DOCK1: variants seen among roughly 807,000 people sequenced by gnomAD.
The protein encoded by DOCK1 is dedicator of cytokinesis 1.
DOCK1 carries 138 observed loss-of-function variants against 262.7 expected under a neutral mutation model. That is an observed-to-expected ratio of 0.53 (90% confidence interval 0.46 to 0.61). DOCK1 has a LOEUF of 0.61. Ranked by LOEUF, DOCK1 falls within the 20% of genes least tolerant of loss-of-function variation. DOCK1 has a pLI of 0.00. For synonymous variants in DOCK1, 866 were observed against 867.4 expected, an observed-to-expected ratio of 1.00 and a Z score of 0.03; for missense variants, 1,908 against 2,370.7, an observed-to-expected ratio of 0.80 and a Z score of 4.05.
intron 1 of DOCK1, among the ~76,000 whole-genome samples, chr10:126,964,473 G>A (rs1751941807): frequency 6.6e-6 from 1 of 152,346 alleles, no homozygotes; most frequent in East Asian, 1.9e-4. Flanking sequence ...GAGGGCCCTG[G>A]CATTGGGCCG....
chr10:127,254,284 G>C (rs1379323430), intron 28 of DOCK1, among the ~76,000 whole-genome samples: 1 of 152,064 alleles, frequency 6.6e-6, no homozygotes, highest in Non-Finnish European at 1.5e-5. Context: ...TTTTTGAAGA[G>C]ACCAATCCAT....
chr10:126,926,220 G>A (rs75085491), intron 1 of DOCK1, among the ~76,000 whole-genome samples: 140 of 152,010 alleles, frequency 9.2e-4, no homozygotes, highest in African/African-American at 3.2e-3. Flanking sequence ...CAGAGCCACC[G>A]AAGTGTTTTG....
intron 1 of DOCK1, among the ~76,000 whole-genome samples, chr10:126,948,813 C>G (rs1312141150): frequency 2.6e-5 from 4 of 152,076 alleles, no homozygotes; most frequent in African/African-American, 9.7e-5. Context: ...TTTCCATCCT[C>G]TCCCTCAAAG....
intron 1 of DOCK1, among the ~76,000 whole-genome samples, chr10:126,951,344 G>A (rs2036216003): frequency 6.6e-6 from 1 of 151,548 alleles, no homozygotes; most frequent in Non-Finnish European, 1.5e-5. Flanking sequence ...AGTGGTGATG[G>A]TAGTATTGTT....
intron 27 of DOCK1, among the ~76,000 whole-genome samples, chr10:127,159,317 C>T (rs553579162): frequency 6.6e-6 from 1 of 152,252 alleles, no homozygotes; most frequent in East Asian, 1.9e-4. Flanking sequence ...AGGGCTACCT[C>T]TCTGTAATGG....
intron 29 of DOCK1, among the ~76,000 whole-genome samples, chr10:127,330,163 C>T (rs376418901): frequency 1.3e-5 from 2 of 152,248 alleles, no homozygotes; most frequent in East Asian, 3.9e-4. Flanking sequence ...TGTGAACTCT[C>T]CGACTCCCCA....
At chr10:127,139,394 TAAAA>T (rs537541750) in intron 27 of DOCK1, among the ~76,000 whole-genome samples, 2 of 148,400 alleles carry the variant, frequency 1.3e-5, no homozygotes, top group African/African-American at 2.5e-5. Flanking sequence ...CTCAAAAAAT[TAAAA>T]AAAAAAATTG....
intron 38 of DOCK1, among the ~76,000 whole-genome samples, chr10:127,394,375 T>A (rs1286284215): frequency 1.4e-5 from 2 of 146,982 alleles, no homozygotes; most frequent in African/African-American, 2.6e-5. Context: ...AAAAAAGCGT[T>A]TTACATCATT....
chr10:127,049,035 A>AT (rs1416853612), intron 21 of DOCK1, among the ~76,000 whole-genome samples: 1 of 149,416 alleles, frequency 6.7e-6, no homozygotes, highest in African/African-American at 2.5e-5. Flanking sequence ...GGGTATAACA[A>AT]TTGGAAAGAA....
rs1224321963 is a variant in DOCK1, at chr10:127,062,378, T to C, written c.2445+602T>C. Among the ~76,000 whole-genome samples the C allele has an allele frequency of 2.0e-5, 3 of 152,236 alleles. No individual in the cohort carries two copies. In the East Asian group the frequency reaches 5.8e-4, roughly 29 times the overall value. ...ATAGCATCACCTTGAACATTTTTCA[T>C]TTCTTTTTGCTGTGAACATTCAGAA... On this transcript the variant is annotated intron_variant, in intron 23 of 51. Coordinates refer to ENST00000623213, the MANE Select transcript of DOCK1 (RefSeq NM_001290223.2).
In DOCK1 at chr10:126,995,362, G is replaced by A. The variant is rs7086451; in HGVS notation, c.474-1386G>A. ...CCAGCCTGGGCAACACTGAGCACTG[G>A]GTGAGCAAGACTCTGTCTGCAATCC... On this transcript the variant is annotated intron_variant, in intron 6 of 51. Coordinates refer to ENST00000623213, the MANE Select transcript of DOCK1 (RefSeq NM_001290223.2). The surrounding 1 kb of genome is among the most constrained non-coding windows in gnomAD (Gnocchi z 5.8). Among the ~76,000 whole-genome samples the A allele has an allele frequency of 0.66, 100,698 of 152,138 alleles. 33,822 individuals carry two copies. The highest frequency in any genetic ancestry group is 0.78 in the East Asian group (4,040 of 5,158).
chr10:126,978,106 T>TA (rs1016600465), intron 3 of DOCK1, 118 bp downstream of exon 3: 53 of 959,404 alleles, frequency 5.5e-5, no homozygotes, highest in African/African-American at 5.4e-4. Context: ...TCTCTGAATT[T>TA]AAAAAAATAT....
chr10:127,226,914 C>T (rs893889060), intron 27 of DOCK1, among the ~76,000 whole-genome samples: 15 of 152,122 alleles, frequency 9.9e-5, no homozygotes, highest in Admixed American at 4.6e-4. Flanking sequence ...CAAGTCACCC[C>T]GTCATGGCTC....
Position 127,362,168 on chromosome 10 carries a change from G to A in DOCK1, c.3388G>A (p.Asp1130Asn). The stretch of plus-strand genomic sequence containing the variant: ...CAAAGCCACCATCCCCATCTTCTTT[G>A]ATATGATGCAGTGTGAATTCCATTC... Reference protein sequence around the residue: ...LRKATIPIFFDMMQCEFHSTR... With the variant: ...LRKATIPIFFNMMQCEFHSTR... The change falls in exon 33 of 52, where the codon GAT becomes AAT. Residue 1130 changes from aspartate (D) to asparagine (N), a missense_variant. Physicochemically the swap from Asp to Asn is conservative, Grantham distance 23 (BLOSUM62 1). Coordinates refer to ENST00000623213, the MANE Select transcript of DOCK1 (RefSeq NM_001290223.2). 6.2e-7 allele frequency: 1 copy of A among 1,613,874 alleles called. No homozygotes were observed. The highest frequency in any genetic ancestry group is 8.5e-7 in the Non-Finnish European group (1 of 1,179,876).
chr10:127,208,522 A>T (rs541520009), intron 27 of DOCK1, among the ~76,000 whole-genome samples: 8 of 152,374 alleles, frequency 5.3e-5, no homozygotes, highest in African/African-American at 1.9e-4. Context: ...CTCTGTAACC[A>T]TATGAAAAAT....
chr10:127,407,477 G>A (rs78427089), intron 40 of DOCK1, among the ~76,000 whole-genome samples: 1 of 152,136 alleles, frequency 6.6e-6, no homozygotes, highest in Non-Finnish European at 1.5e-5. Context: ...TGGTGATTAG[G>A]TTTCAACATC....
chr10:127,000,452 T>C, intron 10 of DOCK1, 145 bp downstream of exon 10: 2 of 1,245,692 alleles, frequency 1.6e-6, no homozygotes, highest in South Asian at 1.8e-5. Context: ...TTATTAGTTA[T>C]TTTCATTGTG....
In DOCK1 at chr10:127,242,457, A is replaced by C. The variant is rs567948211; in HGVS notation, c.2848-5551A>C. 7.9e-5 allele frequency among the ~76,000 whole-genome samples: 12 copies of C among 152,266 alleles called. No individual in the cohort carries two copies. The South Asian group carries it at 2.5e-3, about 32-fold the overall frequency. ...AGCCATTGTGCTCTGTTGGCCTTCT[A>C]TCTTATCAGCTCTAAGAACTCACTC... On this transcript the variant is annotated intron_variant, in intron 27 of 51. Coordinates refer to ENST00000623213, the MANE Select transcript of DOCK1 (RefSeq NM_001290223.2).
In DOCK1 at chr10:127,394,352, TAAAAA is replaced by T. The variant is rs34284692; in HGVS notation, c.3928-8689_3928-8685del. Among the ~76,000 whole-genome samples, 11 of 133,062 alleles carry T rather than the reference TAAAAA, an allele frequency of 8.3e-5. No individual in the cohort carries two copies. In the East Asian group the frequency reaches 1.8e-3, roughly 22 times the overall value. The allele number at this position is 133,062 out of a possible 152,430, so 87.3% of individuals were successfully genotyped here. ...GTTCACACTTTGCCTTGCACCAATG[TAAAAA>T]AAAAAAAAAAAAAGCGTTTTACATC... On this transcript the variant is annotated intron_variant, in intron 38 of 51. Transcript: ENST00000623213.
Sources: gnomAD v4.1 joint callset for allele counts (sites outside exome capture counted in the v4.1 genomes callset) on GRCh38, gnomAD v4.1.1 for gene constraint, Gnocchi (gnomAD v3.1) non-coding constraint, MANE v1.5 for transcripts, NCBI Gene and HGNC (gene_info 2026-07-23, HGNC 2026-07-21) for gene names.